Variants in POTEE observed in about 807,000 individuals in gnomAD.
The protein encoded by POTEE is ANKRD26-like family C member 1A.
Under a neutral mutation model 74.2 loss-of-function variants are expected in POTEE, and 21 were observed. That is an observed-to-expected ratio of 0.28 (90% CI 0.20 to 0.41). The LOEUF is 0.41. Among genes scored for constraint, POTEE ranks in the 10% least tolerant of loss-of-function variants. The pLI is 1.00. For synonymous variants in POTEE, 211 were observed against 432.8 expected (o/e 0.49, Z 6.36); for missense variants, 525 against 1,158.6 (o/e 0.45, Z 7.94).
Position 131,217,986 on chromosome 2 carries a change from T to G in POTEE, c.-94+303T>G, listed in dbSNP as rs1464424506. ...GGCCTGTAGCGGCTTGGCTTGGCTT[T>G]GCGTTCTTGGCTTGGCTTGGCGTTG... On this transcript the variant is annotated intron_variant, in intron 3 of 17. Transcript: ENST00000683005. The G allele has an allele frequency of 1.1e-5, 3 of 279,172 alleles. No homozygotes were observed. In the South Asian group the frequency reaches 1.2e-4, roughly 11 times the overall value. The allele number at this position is 279,172 out of a possible 1,614,324, so 17.3% of individuals were successfully genotyped here. A position where few individuals can be genotyped will look rare whatever the true frequency, so the allele number is the denominator to read the frequency against.
chr2:131,217,709 C>G (rs1007806047), intron 3 of POTEE, among the ~76,000 whole-genome samples, 26 bp downstream of exon 3: 1 of 150,864 alleles, frequency 6.6e-6, no homozygotes, highest in Admixed American at 6.6e-5. Flanking sequence ...CGGCCAGTGT[C>G]TGTGCCACGT....
At chr2:131,232,983 C>T (rs891675075) in intron 9 of POTEE, among the ~76,000 whole-genome samples, 2 of 152,002 alleles carry the variant, frequency 1.3e-5, no homozygotes, top group Admixed American at 6.6e-5. Context: ...AAGGTAAATA[C>T]CTGATTAGCT....
intron 16 of POTEE, among the ~76,000 whole-genome samples, chr2:131,259,346 G>A (rs2105135769): frequency 6.7e-6 from 1 of 148,268 alleles, no homozygotes; most frequent in African/African-American, 2.6e-5. Flanking sequence ...GTGTCCTTTT[G>A]AGAGTATGAT....
chr2:131,220,002 GT>G (rs1700568350), intron 4 of POTEE, among the ~76,000 whole-genome samples: 1 of 150,572 alleles, frequency 6.6e-6, no homozygotes, highest in Non-Finnish European at 1.5e-5. Flanking sequence ...CCAAATATAT[GT>G]TAAGAATTTA....
chr2:131,248,510 G>A (rs1809108), intron 13 of POTEE, among the ~76,000 whole-genome samples: 1 of 150,704 alleles, frequency 6.6e-6, no homozygotes, highest in Non-Finnish European at 1.5e-5. Context: ...GTTTTTCGAT[G>A]CATGTTTAAT....
Position 131,263,520 on chromosome 2 carries a change from A to T in POTEE, c.2065A>T (p.Asn689Tyr). Residue 689 changes from asparagine to tyrosine, a missense_variant, in exon 18 of 18, where the codon AAT becomes TAT. By Grantham distance (143) the Asn-to-Tyr change is moderately radical. Transcript: ENST00000683005. ...TGAAAGTGTGAAAAAAAAGAATGAT[A>T]ATCTTTTAAAGGCTCTACAATTGAA... ...DIESVKKKND[N>Y]LLKALQLNEL... 2 of 1,611,080 alleles carry T rather than the reference A, an allele frequency of 1.2e-6. No individual in the cohort carries two copies. Among genetic ancestry groups the T allele is most frequent in the Non-Finnish European group, 1.7e-6 (2 of 1,179,314 alleles).
At chr2:131,217,741 A>T (rs1700476501) in intron 3 of POTEE, among the ~76,000 whole-genome samples, 58 bp downstream of exon 3, 1 of 148,460 alleles carries the variant, frequency 6.7e-6, no homozygotes, top group Non-Finnish European at 1.5e-5. Flanking sequence ...ACCTGAGATA[A>T]GCACGCCGCA....
chr2:131,219,491 A>G (rs1369634533), intron 4 of POTEE, among the ~76,000 whole-genome samples: 1 of 152,164 alleles, frequency 6.6e-6, no homozygotes, highest in East Asian at 1.9e-4. Context: ...CTGTAATCCC[A>G]GCACTTTGGG....
intron 2 of POTEE, among the ~76,000 whole-genome samples, chr2:131,212,272 G>A (rs1281600434): frequency 6.6e-6 from 1 of 151,884 alleles, no homozygotes; most frequent in Non-Finnish European, 1.5e-5. Flanking sequence ...GGAATGGTAA[G>A]CATGAGGGAG....
chr2:131,256,953 A>G (rs1303643672), intron 16 of POTEE, among the ~76,000 whole-genome samples: 1 of 152,300 alleles, frequency 6.6e-6, no homozygotes, highest in Admixed American at 6.5e-5. Flanking sequence ...GTGATTTATC[A>G]TCTTTAACTT....
Position 131,209,806 on chromosome 2 carries a change from A to G in POTEE, c.-358A>G, listed in dbSNP as rs1228547624. On this transcript the variant is annotated 5_prime_UTR_variant, in exon 1 of 18. An upstream start codon of the reference 5' UTR is lost. Coordinates refer to ENST00000683005, the MANE Select transcript of POTEE (RefSeq NM_001083538.3). ...CTGCAGCTCGGCCAGAGTGGTAGAA[A>G]TGTCCTGGTGTAGGTGAGTTATCCG... Among the ~76,000 whole-genome samples, 7 of 151,986 alleles carry G rather than the reference A, an allele frequency of 4.6e-5. No individual in the cohort carries two copies. Among genetic ancestry groups the G allele is most frequent in the Admixed American group, 6.5e-5 (1 of 15,270 alleles).
chr2:131,255,639 G>T (rs1278625992), intron 16 of POTEE, among the ~76,000 whole-genome samples: 7 of 18,986 alleles, frequency 3.7e-4, no homozygotes, highest in Admixed American at 2.0e-3. Context: ...GCATGATCTT[G>T]GCTCATTGCA....
intron 3 of POTEE, 94 bp from the exon 4 acceptor site, chr2:131,218,215 TG>T: frequency 1.3e-6 from 1 of 785,962 alleles, no homozygotes; most frequent in Non-Finnish European, 1.8e-6. Context: ...TTTCCTCGGG[TG>T]GGTGTGGGTT....
Position 131,264,931 on chromosome 2 carries a change from A to G in POTEE, c.*248A>G. The G allele has an allele frequency of 1.6e-6, 1 of 630,188 alleles. No individual in the cohort carries two copies. Among genetic ancestry groups the G allele is most frequent in the East Asian group, 2.8e-5 (1 of 35,910 alleles). 39.0% of individuals were successfully genotyped at this position (630,188 alleles called of 1,614,324 possible). ...TACATTGTTCTTCTTTTCAATAGTC[A>G]TTCCAAATATTGTGAGACGCATTGT... On this transcript the variant is annotated 3_prime_UTR_variant, in exon 18 of 18. Transcript: ENST00000683005.
intron 1 of POTEE, among the ~76,000 whole-genome samples, chr2:131,210,743 A>C (rs1226892288): frequency 1.3e-5 from 2 of 148,780 alleles, no homozygotes; most frequent in Non-Finnish European, 3.0e-5. Flanking sequence ...GGGAACCAGC[A>C]GTTGAGTGGG....
intron 6 of POTEE, among the ~76,000 whole-genome samples, chr2:131,224,301 T>TA (rs1700718249): frequency 2.0e-5 from 3 of 150,020 alleles, no homozygotes; most frequent in South Asian, 4.3e-4. Context: ...AGATAATACT[T>TA]ACTATTTTTC....
chr2:131,215,839 A>C (rs1460782741), intron 2 of POTEE, among the ~76,000 whole-genome samples: 1 of 135,988 alleles, frequency 7.4e-6, no homozygotes, highest in South Asian at 2.5e-4. Context: ...TTTGATGTCA[A>C]ATTACAAATG....
At chr2:131,256,989 A>G (rs1313768650) in intron 16 of POTEE, among the ~76,000 whole-genome samples, 1 of 151,330 alleles carries the variant, frequency 6.6e-6, no homozygotes, top group Non-Finnish European at 1.5e-5. Flanking sequence ...CTTGACATCA[A>G]CTCTGTTAAC....
At position 131,217,624 on chromosome 2, in the gene POTEE, C is replaced by T. The variant is rs1427316028; in HGVS notation, c.-153C>T. Among the ~76,000 whole-genome samples, 1 of 147,850 alleles carries T rather than the reference C, an allele frequency of 6.8e-6. No homozygotes were observed. Among genetic ancestry groups the T allele is most frequent in the East Asian group, 2.0e-4 (1 of 4,956 alleles). The stretch of plus-strand genomic sequence containing the variant: ...GTGGCTTGAAAGCTCAGCTGACTCC[C>T]ACGAAGTTTGCCGGAACTCAAGGCT... On this transcript the variant is annotated 5_prime_UTR_variant, in exon 3 of 18. Coordinates refer to ENST00000683005, the MANE Select transcript of POTEE (RefSeq NM_001083538.3).
Sources: gnomAD v4.1 joint callset for allele counts (sites outside exome capture counted in the v4.1 genomes callset) on GRCh38, gnomAD v4.1.1 for gene constraint, MANE v1.5 for transcripts, NCBI Gene and HGNC (gene_info 2026-07-23, HGNC 2026-07-21) for gene names.